CD28: variants seen among roughly 807,000 people sequenced by gnomAD.
CD28 encodes the protein CD28 molecule.
CD28 carries 8 observed loss-of-function variants against 21.4 expected under a neutral mutation model. That is an observed-to-expected ratio of 0.37 (90% CI 0.22 to 0.68). The LOEUF (loss-of-function observed/expected upper bound fraction) is 0.68, where lower values mean the gene tolerates loss of function less well. Ranked by LOEUF, CD28 falls within the 30% of genes least tolerant of loss-of-function variation. CD28 has a pLI of 0.55. For synonymous variants in CD28, 106 were observed against 104.0 expected (o/e 1.02, Z -0.12); for missense variants, 239 against 272.2 (o/e 0.88, Z 0.86).
At chr2:203,713,846 AGAGAGG>A (rs1693383030) in intron 1 of CD28, among the ~76,000 whole-genome samples, 1 of 76,854 alleles carries the variant, frequency 1.3e-5, no homozygotes, top group Non-Finnish European at 2.9e-5. Flanking sequence ...AGAGAGAGAG[AGAGAGG>A]GAGAGAGAGA....
At chr2:203,732,414 C>T (rs1052682802) in intron 3 of CD28, among the ~76,000 whole-genome samples, 2 of 152,142 alleles carry the variant, frequency 1.3e-5, no homozygotes, top group Non-Finnish European at 2.9e-5. Flanking sequence ...TGCCCGTTTT[C>T]CTAAAGAAAT....
chr2:203,731,907 CA>C (rs1292755457), intron 3 of CD28, among the ~76,000 whole-genome samples: 5 of 152,144 alleles, frequency 3.3e-5, no homozygotes, highest in Non-Finnish European at 7.3e-5. Flanking sequence ...TTCGGTTACC[CA>C]ATAAAAACTA....
intron 1 of CD28, among the ~76,000 whole-genome samples, chr2:203,722,028 A>G (rs1264707268): frequency 6.6e-6 from 1 of 151,998 alleles, no homozygotes; most frequent in East Asian, 1.9e-4. Flanking sequence ...CAGCCCACCC[A>G]CACTCCCTTT....
rs1347784700 is a variant in CD28, at chr2:203,726,759, A to G, written c.179A>G (p.Asp60Gly). Residue 60 changes from aspartate (D) to glycine (G), a missense_variant, in exon 2 of 4, where the codon GAT becomes GGT. Physicochemically the swap from Asp to Gly is moderately conservative, Grantham distance 94. Around this residue, in one of 3 missense-constraint regions of CD28, gnomAD observed 104 missense variants for 108.5 expected, o/e 0.96. Transcript: ENST00000324106. ...EFRASLHKGLDSAVEVCVVYG... is the reference protein window; with the variant it reads ...EFRASLHKGLGSAVEVCVVYG... ...CGGGCATCCCTTCACAAAGGACTGG[A>G]TAGTGCTGTGGAAGTCTGTGTTGTA... 1 of 1,614,084 alleles carries G rather than the reference A, an allele frequency of 6.2e-7. No homozygotes were observed. The highest frequency in any genetic ancestry group is 1.1e-5 in the South Asian group (1 of 91,078).
At chr2:203,706,844 A>G in intron 1 of CD28, 96 bp downstream of exon 1, 1 of 982,510 alleles carries the variant, frequency 1.0e-6, no homozygotes, top group African/African-American at 1.6e-5. Flanking sequence ...GTGAAATTTG[A>G]ACATTTGAAG....
intron 1 of CD28, among the ~76,000 whole-genome samples, chr2:203,708,217 G>T (rs1283071506): frequency 1.3e-5 from 2 of 151,998 alleles, no homozygotes; most frequent in East Asian, 3.9e-4. Flanking sequence ...TTTATTTTAT[G>T]GTCTGACGTA....
At chr2:203,728,071 A>G (rs1693800707) in intron 2 of CD28, among the ~76,000 whole-genome samples, 1 of 152,160 alleles carries the variant, frequency 6.6e-6, no homozygotes, top group African/African-American at 2.4e-5. Flanking sequence ...GGGCCTCCCA[A>G]AGTGCTGTGA....
chr2:203,727,052 A>G, intron 2 of CD28, 63 bp downstream of exon 2: 1 of 1,044,840 alleles, frequency 9.6e-7, no homozygotes, highest in South Asian at 1.4e-5. Context: ...AGTCCTGAAA[A>G]CTGGGTTGTG....
At chr2:203,710,209 T>C (rs1437728920) in intron 1 of CD28, among the ~76,000 whole-genome samples, 2 of 152,198 alleles carry the variant, frequency 1.3e-5, no homozygotes, top group African/African-American at 4.8e-5. Flanking sequence ...TTAAAAGAAA[T>C]TGACTGGATG....
At chr2:203,732,566 C>T (rs1693922395) in intron 3 of CD28, among the ~76,000 whole-genome samples, 1 of 152,224 alleles carries the variant, frequency 6.6e-6, no homozygotes, top group South Asian at 2.1e-4. Flanking sequence ...CTTGCATATG[C>T]CCTGTGTATT....
At chr2:203,722,454 G>T (rs1693627797) in intron 1 of CD28, among the ~76,000 whole-genome samples, 1 of 152,230 alleles carries the variant, frequency 6.6e-6, no homozygotes. Context: ...AGTTAAAGTT[G>T]TTGACACAGG....
At chr2:203,719,252 C>A (rs963856639) in intron 1 of CD28, among the ~76,000 whole-genome samples, 1 of 148,240 alleles carries the variant, frequency 6.7e-6, no homozygotes, top group African/African-American at 2.5e-5. Flanking sequence ...CTCTTTTTTT[C>A]CCCCCAATAG....
In CD28 at chr2:203,726,990, G is replaced by A; in HGVS notation, c.409+1G>A. On this transcript the variant is annotated splice_donor_variant, in intron 2 of 3. Coordinates refer to ENST00000324106, the MANE Select transcript of CD28 (RefSeq NM_006139.4). LOFTEE classifies it high-confidence loss of function. ...AATGGAACCATTATCCATGTGAAAG[G>A]TAACATACAACTTTACCAGTGTACC... 4 of 1,545,210 alleles carry A rather than the reference G, an allele frequency of 2.6e-6. No individual in the cohort carries two copies. Among genetic ancestry groups the A allele is most frequent in the Non-Finnish European group, 3.6e-6 (4 of 1,118,012 alleles).
intron 1 of CD28, among the ~76,000 whole-genome samples, chr2:203,725,118 C>T (rs190875456): frequency 9.9e-5 from 15 of 151,980 alleles, no homozygotes; most frequent in Middle Eastern, 6.8e-3. Flanking sequence ...GGAGAAACCC[C>T]GTCTCTACTA....
chr2:203,713,935 G>T (rs375969595), intron 1 of CD28, among the ~76,000 whole-genome samples: 142 of 150,834 alleles, frequency 9.4e-4, no homozygotes, highest in African/African-American at 3.4e-3. Flanking sequence ...GGTAGAGAAG[G>T]GTATTATTAG....
At position 203,726,637 on chromosome 2, in the gene CD28, C is replaced by T; in HGVS notation, c.57C>T (p.Asn19=). The change falls in exon 2 of 4, where the codon AAC becomes AAT. Residue 19 remains asparagine (N), a synonymous_variant. Coordinates refer to ENST00000324106, the MANE Select transcript of CD28 (RefSeq NM_006139.4). ...AATGATTTTTTTTTCCCCCAGGAAA[C>T]AAGATTTTGGTGAAGCAGTCGCCCA... ...NLFPSIQVTG[N]KILVKQSPML... is the part of the protein sequence containing the mutation. The T allele has an allele frequency of 1.9e-6, 3 of 1,597,602 alleles. No individual in the cohort carries two copies. The highest frequency in any genetic ancestry group is 1.7e-6 in the Non-Finnish European group (2 of 1,170,690).
chr2:203,709,109 C>CAAAAA (rs34357514), intron 1 of CD28, among the ~76,000 whole-genome samples: 1 of 138,210 alleles, frequency 7.2e-6, no homozygotes. Flanking sequence ...GAAACAGTCT[C>CAAAAA]AAAAAAAAAA....
chr2:203,734,762 C>G, intron 3 of CD28, 22 bp from the exon 4 acceptor site: 1 of 1,613,910 alleles, frequency 6.2e-7, no homozygotes, highest in Non-Finnish European at 8.5e-7. Flanking sequence ...TCCCTCCATA[C>G]TGACACTTCT....
intron 1 of CD28, among the ~76,000 whole-genome samples, chr2:203,722,150 T>A (rs1274752082): frequency 6.6e-6 from 1 of 151,964 alleles, no homozygotes; most frequent in Non-Finnish European, 1.5e-5. Flanking sequence ...TCCAAATAAT[T>A]AGCAATAGAA....
Sources: gnomAD v4.1 joint callset for allele counts (sites outside exome capture counted in the v4.1 genomes callset) on GRCh38, gnomAD v4.1.1 for gene constraint, gnomAD v4.1.1 regional missense constraint, MANE v1.5 for transcripts, NCBI Gene and HGNC (gene_info 2026-07-23, HGNC 2026-07-21) for gene names.